The following RALYL variants were observed in gnomAD, a reference collection of about 807,000 sequenced individuals.
RALYL encodes the protein RALY RNA binding protein like.
A neutral mutation model predicts 35.1 loss-of-function variants in RALYL; 29 were observed. The observed-to-expected ratio is 0.83, with a 90% CI of 0.61 to 1.13. RALYL has a LOEUF of 1.13. Ranked by LOEUF, RALYL falls within the 50% of genes most tolerant of loss-of-function variation. The pLI is 0.00. For synonymous variants in RALYL, 120 were observed against 127.6 expected (o/e 0.94, Z 0.40); for missense variants, 359 against 360.4 (o/e 1.00, Z 0.03).
At chr8:84,523,587 C>A (rs895532642) in intron 1 of RALYL, among the ~76,000 whole-genome samples, 8 of 151,186 alleles carry the variant, frequency 5.3e-5, no homozygotes, top group Non-Finnish European at 2.9e-5. Context: ...CATATGTATA[C>A]ATGTGCCATG....
chr8:84,566,561 G>T (rs73294038), intron 2 of RALYL, among the ~76,000 whole-genome samples: 16 of 151,440 alleles, frequency 1.1e-4, no homozygotes, highest in African/African-American at 3.4e-4. Flanking sequence ...TACTACAAAT[G>T]TATATTGACT....
chr8:84,778,154 T>A (rs1326126808), intron 3 of RALYL, among the ~76,000 whole-genome samples: 1 of 152,150 alleles, frequency 6.6e-6, no homozygotes, highest in Non-Finnish European at 1.5e-5. Flanking sequence ...ATGAAGGTAG[T>A]CTCTGATTTA....
chr8:84,237,775 ATAT>A (rs781232952), intron 1 of RALYL, among the ~76,000 whole-genome samples: 1 of 152,150 alleles, frequency 6.6e-6, no homozygotes, highest in African/African-American at 2.4e-5. Context: ...CTCAGAAGAA[ATAT>A]TATTAAGCAT....
intron 2 of RALYL, among the ~76,000 whole-genome samples, chr8:84,760,791 G>T (rs1341273958): frequency 6.6e-6 from 1 of 152,010 alleles, no homozygotes; most frequent in Non-Finnish European, 1.5e-5. Flanking sequence ...AGGAATACAA[G>T]ATTTAATTTG....
intron 2 of RALYL, among the ~76,000 whole-genome samples, chr8:84,718,087 A>T (rs1308124535): frequency 6.6e-6 from 1 of 152,158 alleles, no homozygotes; most frequent in Non-Finnish European, 1.5e-5. Context: ...AAATAATAGA[A>T]TTCTTTTTGT....
At chr8:84,260,321 G>A (rs1832017393) in intron 1 of RALYL, among the ~76,000 whole-genome samples, 1 of 152,112 alleles carries the variant, frequency 6.6e-6, no homozygotes, top group South Asian at 2.1e-4. Flanking sequence ...ATGATGATGT[G>A]TATTTATTGT....
chr8:84,706,066 TA>T (rs1334349701), intron 2 of RALYL: 8 of 1,534,780 alleles, frequency 5.2e-6, no homozygotes, highest in Non-Finnish European at 7.0e-6. Context: ...GAGATGTAAG[TA>T]AAATCTGACC....
At chr8:84,525,953 C>CTTTTTTTTTTT (rs35794329) in intron 1 of RALYL, among the ~76,000 whole-genome samples, 21 of 104,852 alleles carry the variant, frequency 2.0e-4, no homozygotes, top group South Asian at 3.2e-4. Flanking sequence ...TTTCTTTTTT[C>CTTTTTTTTTTT]TTTTTTTTTT....
At chr8:84,831,776 GA>G (rs1830982176) in intron 4 of RALYL, among the ~76,000 whole-genome samples, 1 of 151,858 alleles carries the variant, frequency 6.6e-6, no homozygotes, top group Admixed American at 6.6e-5. Context: ...AATCAGTGGG[GA>G]AAAAAATAGA....
chr8:84,373,652 G>C (rs1421773252), intron 1 of RALYL, among the ~76,000 whole-genome samples: 1 of 152,024 alleles, frequency 6.6e-6, no homozygotes, highest in African/African-American at 2.4e-5. Flanking sequence ...CAGGTAGCGT[G>C]ATGCCTCCGG....
At chr8:84,826,949 C>A (rs1225043317) in intron 4 of RALYL, among the ~76,000 whole-genome samples, 1 of 151,846 alleles carries the variant, frequency 6.6e-6, no homozygotes, top group African/African-American at 2.4e-5. Flanking sequence ...ATAGAGAGTA[C>A]AAAACTAAAC....
At chr8:84,680,693 G>A (rs1279448391) in intron 2 of RALYL, among the ~76,000 whole-genome samples, 4 of 152,084 alleles carry the variant, frequency 2.6e-5, no homozygotes, top group Non-Finnish European at 5.9e-5. Context: ...TGTTGATGGG[G>A]TTGTTTGTTT....
chr8:84,657,566 A>G (rs1224805814), intron 2 of RALYL, among the ~76,000 whole-genome samples: 2 of 152,208 alleles, frequency 1.3e-5, no homozygotes. Context: ...ATAGGAAAGC[A>G]TCCATCTGCA....
At chr8:84,732,668 T>TTATATATATATATATATGTGTA (rs1554553641) in intron 2 of RALYL, among the ~76,000 whole-genome samples, 3 of 132,484 alleles carry the variant, frequency 2.3e-5, no homozygotes, top group Admixed American at 7.3e-5. Flanking sequence ...TATTAAATAA[T>TTATATATATATATATATGTGTA]TATATATATA....
rs145294353 is a variant in RALYL at position 84,847,394 on chromosome 8, C to G, written c.366-2586C>G. Among the ~76,000 whole-genome samples, 353 of 152,316 alleles carry G rather than the reference C, an allele frequency of 2.3e-3. 2 individuals carry two copies. Among genetic ancestry groups the G allele is most frequent in the African/African-American group, 7.3e-3 (304 of 41,570 alleles). On this transcript the variant is annotated intron_variant, in intron 4 of 8. Transcript: ENST00000521268. ...GTCCCCAGCTTCCTCCATCTTCAGC[C>G]TCAGTTACTGTGTCACCTCTCTGTT...
chr8:84,641,435 C>A (rs909685393), intron 2 of RALYL, among the ~76,000 whole-genome samples: 7 of 151,682 alleles, frequency 4.6e-5, no homozygotes, highest in African/African-American at 1.7e-4. Context: ...AATTTTCCTA[C>A]ATCATAATAT....
At chr8:84,338,006 A>T (rs1848131462) in intron 1 of RALYL, among the ~76,000 whole-genome samples, 1 of 152,126 alleles carries the variant, frequency 6.6e-6, no homozygotes, top group Middle Eastern at 3.4e-3. Context: ...CAAAGGAAAA[A>T]CTAAGACTGT....
intron 1 of RALYL, among the ~76,000 whole-genome samples, chr8:84,511,248 T>A (rs2057590347): frequency 6.6e-6 from 1 of 152,204 alleles, no homozygotes; most frequent in African/African-American, 2.4e-5. Context: ...AGACAGAATA[T>A]CAGACTCTCA....
intron 1 of RALYL, among the ~76,000 whole-genome samples, chr8:84,259,687 G>T (rs1317167932): frequency 6.6e-6 from 1 of 152,056 alleles, no homozygotes. Flanking sequence ...GTGTTTTTGT[G>T]ATCAAACTAC....
Sources: gnomAD v4.1 joint callset for allele counts (sites outside exome capture counted in the v4.1 genomes callset) on GRCh38, gnomAD v4.1.1 for gene constraint, MANE v1.5 for transcripts, NCBI Gene and HGNC (gene_info 2026-07-23, HGNC 2026-07-21) for gene names.